TSHZ2: variants seen among roughly 807,000 people sequenced by gnomAD.
TSHZ2 encodes the protein teashirt zinc finger homeobox 2, also known as teashirt homolog 2.
TSHZ2 carries 21 observed loss-of-function variants against 74.4 expected under a neutral mutation model. The ratio of observed to expected loss-of-function variants is 0.28; its 90% CI spans 0.20 to 0.41. TSHZ2 has a LOEUF of 0.41. Among genes scored for constraint, TSHZ2 ranks in the 10% least tolerant of loss-of-function variants. The probability of loss-of-function intolerance (pLI) is 1.00; values close to 1 mark genes in which losing one functional copy is unlikely to be tolerated. For missense variants in TSHZ2, 1,244 were observed against 1,293.5 expected, an observed-to-expected ratio of 0.96 and a Z score of 0.59; for synonymous variants, 540 against 515.3, an observed-to-expected ratio of 1.05 and a Z score of -0.65.
intron 1 of TSHZ2, among the ~76,000 whole-genome samples, chr20:53,091,943 G>A (rs1030209799): frequency 1.2e-4 from 19 of 152,166 alleles, no homozygotes; most frequent in Admixed American, 1.1e-3. Flanking sequence ...CTACTAGAGA[G>A]GCTGACAAGG....
chr20:53,463,258 C>T (rs1985435608), intron 2 of TSHZ2, among the ~76,000 whole-genome samples: 1 of 151,992 alleles, frequency 6.6e-6, no homozygotes, highest in South Asian at 2.1e-4. Flanking sequence ...GGTGCAGTGG[C>T]TGATGCCTGC....
chr20:53,182,075 C>T (rs908192135), intron 1 of TSHZ2, among the ~76,000 whole-genome samples: 7 of 151,928 alleles, frequency 4.6e-5, no homozygotes, highest in Non-Finnish European at 7.4e-5. Flanking sequence ...ACATATAGTG[C>T]CTAGGCCGGC....
At chr20:53,080,054 T>TA (rs1330865417) in intron 1 of TSHZ2, among the ~76,000 whole-genome samples, 1 of 152,226 alleles carries the variant, frequency 6.6e-6, no homozygotes, top group African/African-American at 2.4e-5. Flanking sequence ...CCTAATTTAA[T>TA]AAAAAACATC....
rs572955016 is a variant in TSHZ2, at chr20:53,310,392, T to G, written c.*8+53821T>G. ...CCTAATTCTGAATAATGCGTGTATT[T>G]GTAGTCTGCTGCTGTGAAACTAATT... On this transcript the variant is annotated intron_variant, in intron 2 of 2. Coordinates refer to ENST00000371497, the MANE Select transcript of TSHZ2 (RefSeq NM_173485.6). Among the ~76,000 whole-genome samples, 10 of 152,338 alleles carry G rather than the reference T, an allele frequency of 6.6e-5. 1 individual carries two copies. Among genetic ancestry groups the G allele is most frequent in the Admixed American group, 6.5e-5 (1 of 15,302 alleles).
At chr20:53,068,472 CCTT>C (rs1250780397) in intron 1 of TSHZ2, among the ~76,000 whole-genome samples, 2 of 152,134 alleles carry the variant, frequency 1.3e-5, no homozygotes, top group Non-Finnish European at 2.9e-5. Flanking sequence ...GTCTTCCTCT[CCTT>C]ATTCCCTACT....
chr20:53,059,732 TA>T (rs1478727069), intron 1 of TSHZ2, among the ~76,000 whole-genome samples: 1 of 152,244 alleles, frequency 6.6e-6, no homozygotes, highest in Non-Finnish European at 1.5e-5. Flanking sequence ...TTCACGTTCC[TA>T]TTGACTTTGA....
At chr20:53,457,317 G>T (rs1317606114) in intron 2 of TSHZ2, among the ~76,000 whole-genome samples, 1 of 131,848 alleles carries the variant, frequency 7.6e-6, no homozygotes, top group Non-Finnish European at 1.6e-5. Context: ...TCTCTTTGAA[G>T]CAATTGTGAA....
intron 1 of TSHZ2, chr20:53,196,115 C>G (rs757372652): frequency 6.6e-6 from 1 of 152,012 alleles, no homozygotes; most frequent in Non-Finnish European, 1.5e-5. Context: ...TCCATCGATA[C>G]GACGTCTTCT....
At chr20:53,245,510 C>A (rs1006256902) in intron 1 of TSHZ2, among the ~76,000 whole-genome samples, 1 of 152,338 alleles carries the variant, frequency 6.6e-6, no homozygotes, top group Middle Eastern at 3.4e-3. Context: ...CCCACATACA[C>A]TGGTGAACAT....
intron 1 of TSHZ2, among the ~76,000 whole-genome samples, chr20:53,235,539 C>T (rs1011226867): frequency 1.1e-4 from 16 of 152,218 alleles, no homozygotes; most frequent in African/African-American, 2.6e-4. Flanking sequence ...TCTGCTAGCC[C>T]GAAATCCCTC....
intron 1 of TSHZ2, among the ~76,000 whole-genome samples, chr20:53,073,033 T>TCCATCCATCCCTC (rs1600676612): frequency 2.9e-4 from 19 of 65,078 alleles, no homozygotes; most frequent in East Asian, 2.7e-3. Context: ...ATCCATCCCT[T>TCCATCCATCCCTC]CCTCCATCCA....
chr20:53,107,569 A>G (rs556091527), intron 1 of TSHZ2, among the ~76,000 whole-genome samples: 101 of 152,326 alleles, frequency 6.6e-4, no homozygotes, highest in Non-Finnish European at 1.4e-3. Flanking sequence ...CAAAATCAGG[A>G]CATGGTGTGT....
chr20:52,995,009 T>G (rs898986025), intron 1 of TSHZ2, among the ~76,000 whole-genome samples: 1 of 152,228 alleles, frequency 6.6e-6, no homozygotes, highest in African/African-American at 2.4e-5. Context: ...TTAGTTCAGA[T>G]GGAAGACACA....
intron 2 of TSHZ2, among the ~76,000 whole-genome samples, chr20:53,435,315 A>G (rs1346729821): frequency 1.3e-5 from 2 of 152,356 alleles, no homozygotes; most frequent in African/African-American, 4.8e-5. Flanking sequence ...AGAAGAAGCA[A>G]TAAAGACTTC....
intron 1 of TSHZ2, among the ~76,000 whole-genome samples, chr20:53,051,013 T>C (rs1268933254): frequency 6.6e-6 from 1 of 152,206 alleles, no homozygotes; most frequent in Non-Finnish European, 1.5e-5. Context: ...AACTAGAGCA[T>C]TTAGTATTTC....
At chr20:53,198,014 T>C (rs2123564655) in intron 1 of TSHZ2, among the ~76,000 whole-genome samples, 1 of 152,296 alleles carries the variant, frequency 6.6e-6, no homozygotes, top group East Asian at 1.9e-4. Flanking sequence ...GATGATCTCG[T>C]TTTCCAGACT....
In TSHZ2 at chr20:53,016,206, C is replaced by T. The variant is rs75231395; in HGVS notation, c.40+42873C>T. 7.2e-5 allele frequency among the ~76,000 whole-genome samples: 11 copies of T among 152,232 alleles called. No individual in the cohort carries two copies. In the East Asian group the frequency reaches 1.2e-3, roughly 16 times the overall value. ...CTAACCCTGAGGAATGGCTCATTTT[C>T]CAATTCAATCATTCAGGCCAGCACT... On this transcript the variant is annotated intron_variant, in intron 1 of 2. Transcript: ENST00000371497.
intron 2 of TSHZ2, among the ~76,000 whole-genome samples, chr20:53,433,882 T>C (rs1283701793): frequency 6.6e-6 from 1 of 152,198 alleles, no homozygotes; most frequent in Non-Finnish European, 1.5e-5. Flanking sequence ...GAAATGCATT[T>C]TTTTGAGATG....
intron 1 of TSHZ2, among the ~76,000 whole-genome samples, chr20:53,033,679 A>C (rs1441654837): frequency 1.2e-4 from 2 of 17,108 alleles, no homozygotes; most frequent in Non-Finnish European, 1.0e-4. Flanking sequence ...TTTTTTTTGG[A>C]GACAGGGTCT....
Sources: gnomAD v4.1 joint callset for allele counts (sites outside exome capture counted in the v4.1 genomes callset) on GRCh38, gnomAD v4.1.1 for gene constraint, MANE v1.5 for transcripts, NCBI Gene and HGNC (gene_info 2026-07-23, HGNC 2026-07-21) for gene names.